The following SLC26A4 variants were observed in gnomAD, a reference collection of about 807,000 sequenced individuals.
SLC26A4 encodes the protein solute carrier family 26 member 4.
Under a neutral mutation model 90.4 loss-of-function variants are expected in SLC26A4, and 93 were observed. That is an observed-to-expected ratio of 1.03 (90% CI 0.87 to 1.22). The LOEUF is 1.22. Among genes scored for constraint, SLC26A4 ranks in the 50% most tolerant of loss-of-function variants. The pLI is 0.00. For synonymous variants in SLC26A4, 393 were observed against 354.6 expected (o/e 1.11, Z -1.22); for missense variants, 1,127 against 946.2 (o/e 1.19, Z -2.51).
intron 18 of SLC26A4, among the ~76,000 whole-genome samples, chr7:107,708,082 A>T (rs1415721061): frequency 6.6e-6 from 1 of 152,230 alleles, no homozygotes; most frequent in Non-Finnish European, 1.5e-5. Flanking sequence ...TTAAGAGTAA[A>T]CCAATCCTCT....
intron 6 of SLC26A4, among the ~76,000 whole-genome samples, chr7:107,675,574 C>CTTT (rs563755979): frequency 1.5e-5 from 2 of 131,010 alleles, no homozygotes; most frequent in African/African-American, 2.9e-5. Flanking sequence ...TTCTTTCTTT[C>CTTT]TTTTTTTTTT....
chr7:107,715,339 T>C, intron 20 of SLC26A4, 84 bp from the exon 21 acceptor site: 1 of 1,105,354 alleles, frequency 9.0e-7, no homozygotes, highest in Non-Finnish European at 1.4e-6. Context: ...ATCAATACTA[T>C]AAAAACATAT....
intron 20 of SLC26A4, among the ~76,000 whole-genome samples, chr7:107,713,503 A>G (rs1792250256): frequency 6.6e-6 from 1 of 152,164 alleles, no homozygotes; most frequent in South Asian, 2.1e-4. Flanking sequence ...AATAGTTCTC[A>G]TGTCTCCAGC....
chr7:107,673,338 A>T (rs953939228), intron 4 of SLC26A4, among the ~76,000 whole-genome samples: 3 of 152,194 alleles, frequency 2.0e-5, no homozygotes, highest in African/African-American at 7.2e-5. Context: ...GATATGAAAA[A>T]ATGTTTTGTC....
chr7:107,668,345 T>C (rs1416974776), intron 3 of SLC26A4, among the ~76,000 whole-genome samples: 3 of 152,200 alleles, frequency 2.0e-5, no homozygotes, highest in Non-Finnish European at 4.4e-5. Context: ...GGTTAATTAA[T>C]TAGAAGCCTC....
Position 107,683,374 on chromosome 7 carries a change from A to AGAAAGTTCAGCAG in SLC26A4, c.918+32_918+33insGGAAAGTTCAGCA. 6.2e-7 allele frequency: 1 copy of AGAAAGTTCAGCAG among 1,612,254 alleles called. No individual in the cohort carries two copies. Among genetic ancestry groups the AGAAAGTTCAGCAG allele is most frequent in the Non-Finnish European group, 8.5e-7 (1 of 1,178,316 alleles). On this transcript the variant is annotated intron_variant, in intron 7 of 20. Coordinates refer to ENST00000644269, the MANE Select transcript of SLC26A4 (RefSeq NM_000441.2). ...ATTGTGGTAAGTAGAATATGTAGTT[A>AGAAAGTTCAGCAG]GAAAGTTCAGCATTATTTGGTTGAC...
In SLC26A4 at chr7:107,698,037, T is replaced by C. The variant is rs77944876; in HGVS notation, c.1545-5T>C. Reference sequence around the variant, plus strand: ...AAATCTTGACCTTGATATTTTTTCTTCTAGTCCTTCTTGGAATGGCCTTGG... The same window carrying C: ...AAATCTTGACCTTGATATTTTTTCTCCTAGTCCTTCTTGGAATGGCCTTGG... On this transcript the variant is annotated splice_region_variant and splice_polypyrimidine_tract_variant and intron_variant, in intron 13 of 20. Transcript: ENST00000644269. 2.5e-6 allele frequency: 4 copies of C among 1,596,762 alleles called. No individual in the cohort carries two copies. The highest frequency in any genetic ancestry group is 1.7e-4 in the Middle Eastern group (1 of 6,038).
intron 16 of SLC26A4, 122 bp from the exon 17 acceptor site, chr7:107,701,705 T>A (rs1448777399): frequency 4.1e-6 from 3 of 732,656 alleles, no homozygotes; most frequent in Non-Finnish European, 7.1e-6. Context: ...TCCTTAAAAA[T>A]TCATCTCCTT....
chr7:107,666,943 G>A (rs1790731741), intron 3 of SLC26A4, among the ~76,000 whole-genome samples: 1 of 152,178 alleles, frequency 6.6e-6, no homozygotes. Context: ...GCTATGAAGA[G>A]AGCTGCAAGA....
intron 10 of SLC26A4, chr7:107,693,530 C>T: frequency 2.0e-6 from 2 of 985,356 alleles, no homozygotes; most frequent in Non-Finnish European, 2.4e-6. Context: ...AGTTCCCTGT[C>T]TCCTTTTCTT....
chr7:107,682,083 C>A (rs1290960884), intron 6 of SLC26A4, among the ~76,000 whole-genome samples: 1 of 138,340 alleles, frequency 7.2e-6, no homozygotes, highest in East Asian at 2.1e-4. Flanking sequence ...GGCCACTGTA[C>A]TCCAGCCTGG....
At chr7:107,673,689 T>C (rs961063894) in intron 4 of SLC26A4, among the ~76,000 whole-genome samples, 1 of 152,120 alleles carries the variant, frequency 6.6e-6, no homozygotes, top group African/African-American at 2.4e-5. Flanking sequence ...CTCTCGCCTA[T>C]TTCTAGGTCA....
At chr7:107,674,539 C>T (rs1790968619) in intron 5 of SLC26A4, among the ~76,000 whole-genome samples, 191 bp downstream of exon 5, 1 of 152,112 alleles carries the variant, frequency 6.6e-6, no homozygotes, top group Non-Finnish European at 1.5e-5. Context: ...TTAAGGCTCA[C>T]TTATCATCAA....
rs146929296 is a variant in SLC26A4 at position 107,665,599 on chromosome 7, T to C, written c.304+2164T>C. 1.7e-3 allele frequency among the ~76,000 whole-genome samples: 252 copies of C among 152,332 alleles called. 1 individual carries two copies. The highest frequency in any genetic ancestry group is 5.7e-3 in the African/African-American group (237 of 41,558). On this transcript the variant is annotated intron_variant, in intron 3 of 20. Transcript: ENST00000644269. ...ATTGAATTGCATTCCTGATAATGAATCTTCTTTATATATAAAAAATGGTGG... is the reference window on the plus strand; with the variant it reads ...ATTGAATTGCATTCCTGATAATGAACCTTCTTTATATATAAAAAATGGTGG...
At chr7:107,672,528 G>A (rs1427282927) in intron 4 of SLC26A4, among the ~76,000 whole-genome samples, 1 of 151,702 alleles carries the variant, frequency 6.6e-6, no homozygotes, top group Non-Finnish European at 1.5e-5. Flanking sequence ...GAAAATGACA[G>A]CCTACTTTAA....
At chr7:107,680,697 C>T (rs573430893) in intron 6 of SLC26A4, among the ~76,000 whole-genome samples, 102 of 151,896 alleles carry the variant, frequency 6.7e-4, no homozygotes, top group African/African-American at 2.3e-3. Context: ...TTTTGAACCT[C>T]GTGTTACATT....
rs376071304 is a variant in SLC26A4 at position 107,710,727 on chromosome 7, G to A, written c.2235+528G>A. ...GGAGGCCTCATGGCACAACAGTAGC[G>A]CATCTGGCTCCAGAATAGGCCCTGA... On this transcript the variant is annotated intron_variant, in intron 19 of 20. Coordinates refer to ENST00000644269, the MANE Select transcript of SLC26A4 (RefSeq NM_000441.2). Among the ~76,000 whole-genome samples the A allele has an allele frequency of 1.2e-4, 19 of 152,240 alleles. No individual in the cohort carries two copies. In the East Asian group the frequency reaches 2.3e-3, roughly 19 times the overall value.
rs112268694 is a variant in SLC26A4, at chr7:107,675,578, T to C, written c.765+469T>C. Among the ~76,000 whole-genome samples, 340 of 145,802 alleles carry C rather than the reference T, an allele frequency of 2.3e-3. 2 individuals are homozygous for C. The highest frequency in any genetic ancestry group is 4.1e-3 in the African/African-American group (162 of 39,844). Reference sequence around the variant, plus strand: ...CCCACATTTCTTTCTTTCTTTCTTTTTTTTTTTTTTTTTGAGACAGAGTCT... The same window carrying C: ...CCCACATTTCTTTCTTTCTTTCTTTCTTTTTTTTTTTTTGAGACAGAGTCT... On this transcript the variant is annotated intron_variant, in intron 6 of 20. Transcript: ENST00000644269.
chr7:107,685,757 CT>C (rs1377162404), intron 8 of SLC26A4, among the ~76,000 whole-genome samples: 1 of 152,244 alleles, frequency 6.6e-6, no homozygotes, highest in Non-Finnish European at 1.5e-5. Flanking sequence ...TCATGTGCCT[CT>C]CTTCTCATGC....
Sources: gnomAD v4.1 joint callset for allele counts (sites outside exome capture counted in the v4.1 genomes callset) on GRCh38, gnomAD v4.1.1 for gene constraint, MANE v1.5 for transcripts, NCBI Gene and HGNC (gene_info 2026-07-23, HGNC 2026-07-21) for gene names.